The following DIP2C variants were observed in gnomAD, a reference collection of about 807,000 sequenced individuals.
DIP2C encodes disco-interacting protein 2 homolog C.
Under a neutral mutation model 192.4 loss-of-function variants are expected in DIP2C, and 33 were observed. That is an observed-to-expected ratio of 0.17 (90% CI 0.13 to 0.23). The LOEUF (loss-of-function observed/expected upper bound fraction) is 0.23. DIP2C is among the 10% of genes least tolerant of loss of function. The pLI, the probability that DIP2C is intolerant of heterozygous loss-of-function variation, is 1.00. For synonymous variants in DIP2C, 979 were observed against 864.1 expected, an observed-to-expected ratio of 1.13 and a Z score of -2.33; for missense variants, 1,537 against 2,110.1, an observed-to-expected ratio of 0.73 and a Z score of 5.32.
At chr10:536,848 C>T (rs1847722863) in intron 1 of DIP2C, among the ~76,000 whole-genome samples, 1 of 152,204 alleles carries the variant, frequency 6.6e-6, no homozygotes, top group African/African-American at 2.4e-5. Context: ...CTGAAACCAT[C>T]TTCTTGACCC....
At chr10:535,286 G>A (rs968477275) in intron 1 of DIP2C, among the ~76,000 whole-genome samples, 1 of 151,966 alleles carries the variant, frequency 6.6e-6, no homozygotes, top group South Asian at 2.1e-4. Flanking sequence ...GGCCAGGGGT[G>A]GGGAGAGGAG....
chr10:341,010 C>A (rs764797844), intron 29 of DIP2C, 189 bp downstream of exon 29: 2 of 786,972 alleles, frequency 2.5e-6, no homozygotes, highest in African/African-American at 3.4e-5. Context: ...AAGTCAAAGT[C>A]ACCCCAGGTG....
intron 4 of DIP2C, among the ~76,000 whole-genome samples, chr10:431,712 C>T (rs1194973369): frequency 6.6e-6 from 1 of 152,202 alleles, no homozygotes; most frequent in Non-Finnish European, 1.5e-5. Context: ...TTTCTCTTCC[C>T]AATGAATATG....
rs779268544 is a variant in DIP2C at position 399,176 on chromosome 10, G to A, written c.1193C>T (p.Ala398Val). The change falls in exon 10 of 37, where the codon GCG becomes GTG. Residue 398 changes from alanine (A) to valine (V), a missense_variant. Physicochemically the swap from Ala to Val is moderately conservative, Grantham distance 64. Coordinates refer to ENST00000280886, the MANE Select transcript of DIP2C (RefSeq NM_014974.3). ...FPNNDPAAFM[A>V]AFYGCLLAEV... is the part of the protein sequence containing the mutation. ...GGCCAGCAGGCAGCCGTAGAAAGCC[G>A]CCATGAAGGCAGCCGGATCATTGTT... The A allele has an allele frequency of 8.7e-6, 14 of 1,613,918 alleles. No homozygotes were observed. Among genetic ancestry groups the A allele is most frequent in the Middle Eastern group, 1.6e-4 (1 of 6,084 alleles).
intron 1 of DIP2C, among the ~76,000 whole-genome samples, chr10:488,926 G>A (rs373184574): frequency 2.0e-4 from 31 of 152,202 alleles, no homozygotes; most frequent in Non-Finnish European, 3.8e-4. Flanking sequence ...TGTGCCTGAC[G>A]CAGAGAGACC....
In DIP2C at chr10:687,874, G is replaced by A. The variant is rs557351065; in HGVS notation, c.85+1620C>T. Reference sequence around the variant, plus strand: ...GGAACCCTCAGATGGGGCTCGCCCTGCTGAGCTCAGGGGCGCTACGCTCTG... The same window carrying A: ...GGAACCCTCAGATGGGGCTCGCCCTACTGAGCTCAGGGGCGCTACGCTCTG... On this transcript the variant is annotated intron_variant, in intron 1 of 36. Transcript: ENST00000280886. Among the ~76,000 whole-genome samples the A allele has an allele frequency of 3.3e-5, 5 of 152,346 alleles. No individual in the cohort carries two copies. In the South Asian group the frequency reaches 6.2e-4, roughly 19 times the overall value.
At chr10:618,616 A>G (rs1853629329) in intron 1 of DIP2C, among the ~76,000 whole-genome samples, 1 of 152,162 alleles carries the variant, frequency 6.6e-6, no homozygotes, top group African/African-American at 2.4e-5. Context: ...AATGATTTTT[A>G]GACTCTCATG....
At chr10:407,779 C>A (rs746169751) in intron 9 of DIP2C, among the ~76,000 whole-genome samples, 26 of 151,820 alleles carry the variant, frequency 1.7e-4, no homozygotes, top group Non-Finnish European at 2.8e-4. Context: ...GTTGTTGTTG[C>A]TTTTTTTGGT....
Position 342,548 on chromosome 10 carries a change from G to A in DIP2C, c.3454-1219C>T, listed in dbSNP as rs111393646. The stretch of plus-strand genomic sequence containing the variant: ...CTGGTCGAGGCCCTGTCTTATTCAC[G>A]GCTATCTCCACGGCTGGACATAGCC... On this transcript the variant is annotated intron_variant, in intron 28 of 36. Transcript: ENST00000280886. 1.5e-3 allele frequency among the ~76,000 whole-genome samples: 221 copies of A among 152,272 alleles called. 1 individual carries two copies. Among genetic ancestry groups the A allele is most frequent in the South Asian group, 0.014 (67 of 4,822 alleles).
In DIP2C at chr10:282,711, T is replaced by C. The variant is rs116902068; in HGVS notation, c.4294+561A>G. Reference sequence around the variant, plus strand: ...CTCTGATGGGGCAAAGGCAATGCTGTCCACCTGGCTGCTCCACACCAGGCA... The same window carrying C: ...CTCTGATGGGGCAAAGGCAATGCTGCCCACCTGGCTGCTCCACACCAGGCA... On this transcript the variant is annotated intron_variant, in intron 35 of 36. Transcript: ENST00000280886. 1.3e-3 allele frequency among the ~76,000 whole-genome samples: 196 copies of C among 152,360 alleles called. 4 individuals are homozygous for C. The East Asian group carries it at 0.035, about 27-fold the overall frequency.
chr10:577,819 TTG>T (rs1220118655), intron 1 of DIP2C, among the ~76,000 whole-genome samples: 2 of 144,128 alleles, frequency 1.4e-5, no homozygotes, highest in African/African-American at 2.9e-5. Context: ...TTTTGTTTTT[TTG>T]TGTTTTTTTT....
chr10:325,488 G>A (rs947713594), intron 31 of DIP2C, among the ~76,000 whole-genome samples: 11 of 152,108 alleles, frequency 7.2e-5, no homozygotes, highest in East Asian at 3.9e-4. Flanking sequence ...CAGCAGCCTC[G>A]CCATGGCCAG....
intron 32 of DIP2C, among the ~76,000 whole-genome samples, chr10:298,214 G>A (rs113384009): frequency 6.0e-4 from 92 of 152,296 alleles, no homozygotes; most frequent in African/African-American, 2.1e-3. Context: ...CAGTCTCTCA[G>A]AAATGTCCCT....
intron 1 of DIP2C, among the ~76,000 whole-genome samples, chr10:519,362 T>C (rs1225387563): frequency 6.6e-6 from 1 of 152,232 alleles, no homozygotes; most frequent in Non-Finnish European, 1.5e-5. Flanking sequence ...GGATGGGTCA[T>C]GCCCAAAGCC....
chr10:556,093 C>G (rs1336661764), intron 1 of DIP2C, among the ~76,000 whole-genome samples: 1 of 140,338 alleles, frequency 7.1e-6, no homozygotes, highest in Non-Finnish European at 1.5e-5. Flanking sequence ...CCCACCCCCC[C>G]TTCCATAGCC....
chr10:560,568 G>T (rs1286197655), intron 1 of DIP2C, among the ~76,000 whole-genome samples: 1 of 152,154 alleles, frequency 6.6e-6, no homozygotes, highest in Non-Finnish European at 1.5e-5. Context: ...TGGTTTCAAA[G>T]TAAGCTTTCT....
chr10:385,943 ATGC>A (rs1962860862), intron 14 of DIP2C, among the ~76,000 whole-genome samples: 1 of 152,144 alleles, frequency 6.6e-6, no homozygotes, highest in Admixed American at 6.5e-5. Flanking sequence ...GTCTCAAAAG[ATGC>A]TGCTGCCTGC....
intron 32 of DIP2C, 38 bp downstream of exon 32, chr10:309,989 CAAAA>C: frequency 6.2e-7 from 1 of 1,603,274 alleles, no homozygotes. Flanking sequence ...CAGAACAAAA[CAAAA>C]AAAGGAAAAA....
Position 347,471 on chromosome 10 carries a change from G to A in DIP2C, c.3231+1170C>T, listed in dbSNP as rs1346320785. Among the ~76,000 whole-genome samples, 21 of 114,074 alleles carry A rather than the reference G, an allele frequency of 1.8e-4. 4 individuals are homozygous for A. The highest frequency in any genetic ancestry group is 7.2e-4 in the African/African-American group (20 of 27,666). The allele number at this position is 114,074 out of a possible 152,430, so 74.8% of individuals were successfully genotyped here. ...CAGACACATCGCGCATAGTTCTCCCGGAAACCCCACACTCACCCGGACACA... is the reference window on the plus strand; with the variant it reads ...CAGACACATCGCGCATAGTTCTCCCAGAAACCCCACACTCACCCGGACACA... On this transcript the variant is annotated intron_variant, in intron 26 of 36. Transcript: ENST00000280886.
Sources: allele counts gnomAD v4.1 joint callset (sites outside exome capture counted in the v4.1 genomes callset), GRCh38; gene constraint gnomAD v4.1.1; transcripts MANE v1.5; gene names NCBI Gene and HGNC (gene_info 2026-07-23, HGNC 2026-07-21).